Variants in ERBB4 observed in about 807,000 individuals in gnomAD.
ERBB4 encodes receptor tyrosine-protein kinase erbB-4.
ERBB4 carries 42 observed loss-of-function variants against 158.0 expected under a neutral mutation model. The ratio of observed to expected loss-of-function variants is 0.27; its 90% CI spans 0.21 to 0.34. ERBB4 has a LOEUF of 0.34. Ranked by LOEUF, ERBB4 falls within the 10% of genes least tolerant of loss-of-function variation. ERBB4 has a pLI of 1.00. For missense variants in ERBB4, 1,333 were observed against 1,624.1 expected (o/e 0.82, Z 3.08); for synonymous variants, 583 against 558.7 (o/e 1.04, Z -0.61).
chr2:212,290,538 C>T (rs547123533), intron 1 of ERBB4, among the ~76,000 whole-genome samples: 9 of 152,266 alleles, frequency 5.9e-5, no homozygotes, highest in African/African-American at 2.2e-4. Flanking sequence ...CCTTAGGGCA[C>T]ATAGCTAATT....
chr2:211,546,841 A>G (rs1488640198), intron 20 of ERBB4, among the ~76,000 whole-genome samples: 2 of 152,110 alleles, frequency 1.3e-5, no homozygotes, highest in East Asian at 3.9e-4. Flanking sequence ...TTTAGCGTGC[A>G]AAACACAAAC....
intron 2 of ERBB4, among the ~76,000 whole-genome samples, chr2:212,092,098 C>A (rs1231074458): frequency 6.6e-6 from 1 of 152,130 alleles, no homozygotes; most frequent in Non-Finnish European, 1.5e-5. Context: ...GAGTTATTAG[C>A]AATGTCCTAT....
intron 2 of ERBB4, among the ~76,000 whole-genome samples, chr2:212,056,227 AAAAAAGAGT>A (rs1332450717): frequency 6.6e-6 from 1 of 152,202 alleles, no homozygotes; most frequent in Non-Finnish European, 1.5e-5. Flanking sequence ...AAGTTTAGAG[AAAAAAGAGT>A]AAAAAGAAAT....
chr2:212,094,212 T>C lies in ERBB4; in HGVS notation c.234+30540A>G, dbSNP rs1287418575. Among the ~76,000 whole-genome samples the C allele has an allele frequency of 2.6e-5, 4 of 151,572 alleles. No individual in the cohort carries two copies. The East Asian group carries it at 7.7e-4, about 29-fold the overall frequency. On this transcript the variant is annotated intron_variant, in intron 2 of 27. Coordinates refer to ENST00000342788, the MANE Select transcript of ERBB4 (RefSeq NM_005235.3). ...CCCGCCCTGTGGTCATGAGTTCATG[T>C]GAGATAAGGTTGTTTAAAAGAACCT...
intron 1 of ERBB4, among the ~76,000 whole-genome samples, chr2:212,402,530 G>A (rs1048352278): frequency 2.0e-5 from 3 of 151,976 alleles, no homozygotes; most frequent in Non-Finnish European, 2.9e-5. Context: ...ACCAGTAGAT[G>A]GTGTCAATGT....
intron 6 of ERBB4, 39 bp downstream of exon 6, chr2:211,725,037 G>A (rs2074221758): frequency 1.5e-6 from 2 of 1,353,280 alleles, no homozygotes; most frequent in Non-Finnish European, 2.1e-6. Flanking sequence ...GGGAAGGAAA[G>A]GAGAGCAGGA....
At chr2:211,890,764 T>C (rs1389463076) in intron 3 of ERBB4, among the ~76,000 whole-genome samples, 29 of 125,756 alleles carry the variant, frequency 2.3e-4, no homozygotes, top group Non-Finnish European at 4.3e-4. Flanking sequence ...TCCTAGTCTC[T>C]GATAAAACAG....
chr2:211,952,281 C>T (rs2080894471), intron 2 of ERBB4, among the ~76,000 whole-genome samples: 1 of 151,918 alleles, frequency 6.6e-6, no homozygotes. Context: ...GCCATGTGTA[C>T]TGACTACAAA....
At chr2:212,130,168 C>A (rs565897214) in intron 1 of ERBB4, among the ~76,000 whole-genome samples, 57 of 152,190 alleles carry the variant, frequency 3.7e-4, no homozygotes, top group African/African-American at 1.3e-3. Context: ...AAAATTCAGC[C>A]ACCTTTGTCA....
intron 5 of ERBB4, among the ~76,000 whole-genome samples, chr2:211,746,465 T>C (rs1051750755): frequency 6.6e-6 from 1 of 152,108 alleles, no homozygotes; most frequent in African/African-American, 2.4e-5. Context: ...GATGATTTGA[T>C]ACATGAATTA....
At chr2:211,647,689 A>G (rs1273067501) in intron 16 of ERBB4, among the ~76,000 whole-genome samples, 2 of 151,680 alleles carry the variant, frequency 1.3e-5, no homozygotes, top group African/African-American at 4.8e-5. Context: ...ACTTCTCTCC[A>G]TTCACTCGAA....
intron 3 of ERBB4, among the ~76,000 whole-genome samples, chr2:211,839,119 AAGAGAGAG>A (rs901090068): frequency 6.8e-6 from 1 of 146,708 alleles, no homozygotes; most frequent in African/African-American, 2.5e-5. Flanking sequence ...GAAAGAAATA[AAGAGAGAG>A]AGAGAGGGAG....
At chr2:211,700,243 T>C (rs1353483491) in intron 12 of ERBB4, among the ~76,000 whole-genome samples, 1 of 152,138 alleles carries the variant, frequency 6.6e-6, no homozygotes, top group Non-Finnish European at 1.5e-5. Flanking sequence ...CATATTGTGA[T>C]ATGGGGTAAG....
chr2:212,256,020 G>GC (rs1325091347), intron 1 of ERBB4, among the ~76,000 whole-genome samples: 2 of 150,730 alleles, frequency 1.3e-5, no homozygotes, highest in South Asian at 2.1e-4. Context: ...TTACAAATGG[G>GC]GGGGGGTCTC....
intron 2 of ERBB4, among the ~76,000 whole-genome samples, chr2:212,090,530 T>A (rs1486160710): frequency 6.6e-6 from 1 of 152,176 alleles, no homozygotes; most frequent in Non-Finnish European, 1.5e-5. Flanking sequence ...ACTTGGTCCC[T>A]GTGCCTTCAA....
chr2:211,800,235 T>C (rs1035207878), intron 3 of ERBB4, among the ~76,000 whole-genome samples: 2 of 152,182 alleles, frequency 1.3e-5, no homozygotes, highest in Non-Finnish European at 2.9e-5. Context: ...TCTTCATAAA[T>C]GCTGCCATTG....
intron 2 of ERBB4, among the ~76,000 whole-genome samples, chr2:212,092,552 C>A (rs529549227): frequency 6.6e-6 from 1 of 152,056 alleles, no homozygotes; most frequent in African/African-American, 2.4e-5. Flanking sequence ...AAAATGATAT[C>A]GTTTACAGAA....
chr2:212,488,037 T>C (rs750844969), intron 1 of ERBB4, among the ~76,000 whole-genome samples: 1 of 152,116 alleles, frequency 6.6e-6, no homozygotes, highest in Non-Finnish European at 1.5e-5. Flanking sequence ...GTTGCTCACC[T>C]CCAAATCAGT....
chr2:211,788,801 C>A (rs2076223309), intron 3 of ERBB4, among the ~76,000 whole-genome samples: 1 of 152,074 alleles, frequency 6.6e-6, no homozygotes, highest in South Asian at 2.1e-4. Context: ...AAAGTGGAAG[C>A]TAAAATTAAT....
Sources: allele counts gnomAD v4.1 joint callset (sites outside exome capture counted in the v4.1 genomes callset), GRCh38; gene constraint gnomAD v4.1.1; transcripts MANE v1.5; gene names NCBI Gene and HGNC (gene_info 2026-07-23, HGNC 2026-07-21).